The following C12orf42 variants were observed in gnomAD, a reference collection of about 807,000 sequenced individuals.
C12orf42 encodes uncharacterized protein C12orf42.
Under a neutral mutation model 21.6 loss-of-function variants are expected in C12orf42, and 25 were observed. That is an observed-to-expected ratio of 1.16 (90% confidence interval 0.84 to 1.62). C12orf42 has a LOEUF of 1.62. Among genes scored for constraint, C12orf42 ranks in the 40% most tolerant of loss-of-function variants. The pLI is 0.00. For missense variants in C12orf42, 483 were observed against 459.3 expected (o/e 1.05, Z -0.47); for synonymous variants, 174 against 175.0 (o/e 0.99, Z 0.05).
intron 2 of C12orf42, among the ~76,000 whole-genome samples, chr12:103,419,647 C>A (rs1304315891): frequency 6.6e-6 from 1 of 152,172 alleles, no homozygotes; most frequent in Non-Finnish European, 1.5e-5. Flanking sequence ...CTGCTCAGCA[C>A]ACTTGCCAGT....
the C12orf42 span, among the ~76,000 whole-genome samples, chr12:103,101,624 AC>A: frequency 2.6e-5 from 4 of 152,150 alleles, no homozygotes; most frequent in Non-Finnish European, 5.9e-5. Flanking sequence ...AACCCAAACT[AC>A]CCACTGAACA....
the C12orf42 span, among the ~76,000 whole-genome samples, chr12:103,158,340 G>A: frequency 6.6e-6 from 1 of 152,102 alleles, no homozygotes; most frequent in Non-Finnish European, 1.5e-5. Context: ...TCACAAAAAT[G>A]CCAGTTCACT....
At position 103,481,164 on chromosome 12, in the gene C12orf42, G is replaced by T. The variant is rs377350010; in HGVS notation, c.-21-2717C>A. The stretch of plus-strand genomic sequence containing the variant: ...TTTTTCCTTAGACAGTCTTTAGTAT[G>T]ATGTTAATATAGCTATAGCAGTTTT... On this transcript the variant is annotated intron_variant, in intron 1 of 5. Coordinates refer to ENST00000548883, the MANE Select transcript of C12orf42 (RefSeq NM_198521.5). Among the ~76,000 whole-genome samples the T allele has an allele frequency of 1.8e-4, 27 of 151,792 alleles. No homozygotes were observed. In the East Asian group the frequency reaches 5.0e-3, roughly 28 times the overall value.
the C12orf42 span, among the ~76,000 whole-genome samples, chr12:103,118,594 C>G: frequency 5.1e-4 from 78 of 151,890 alleles, no homozygotes; most frequent in African/African-American, 1.6e-3. Flanking sequence ...GTCAGGAGAT[C>G]GAGACCATCC....
At chr12:103,471,149 A>G (rs746485278) in intron 2 of C12orf42, among the ~76,000 whole-genome samples, 5 of 152,226 alleles carry the variant, frequency 3.3e-5, no homozygotes, top group Non-Finnish European at 7.3e-5. Context: ...GTGGGCTACC[A>G]GTGTCCCCAT....
chr12:103,300,797 C>A (rs941155885), downstream of C12orf42, among the ~76,000 whole-genome samples: 2 of 152,184 alleles, frequency 1.3e-5, no homozygotes, highest in African/African-American at 4.8e-5. Flanking sequence ...GTCACATGAA[C>A]TCTGGTAAGC....
chr12:103,345,962 T>C (rs1450842636), intron 4 of C12orf42, among the ~76,000 whole-genome samples: 1 of 152,212 alleles, frequency 6.6e-6, no homozygotes, highest in Non-Finnish European at 1.5e-5. Context: ...GTTATAATTC[T>C]TCAAAGCAAT....
At chr12:103,352,497 C>T (rs1048350992) in intron 4 of C12orf42, among the ~76,000 whole-genome samples, 2 of 152,020 alleles carry the variant, frequency 1.3e-5, no homozygotes, top group African/African-American at 4.8e-5. Flanking sequence ...ATTATTTTTT[C>T]CTATGAGGCT....
At chr12:103,180,304 G>GA in the C12orf42 span, among the ~76,000 whole-genome samples, 5 of 152,008 alleles carry the variant, frequency 3.3e-5, no homozygotes, top group Admixed American at 6.6e-5. Context: ...TGGCAAGTAG[G>GA]AAAAAAACAT....
intron 2 of C12orf42, chr12:103,441,470 C>T (rs1305149741): frequency 1.3e-5 from 2 of 152,136 alleles, no homozygotes; most frequent in Non-Finnish European, 2.9e-5. Flanking sequence ...TTTCTCACCT[C>T]TTCCTGCCCA....
chr12:103,300,103 C>A (rs1040695370), downstream of C12orf42, among the ~76,000 whole-genome samples: 2 of 152,204 alleles, frequency 1.3e-5, no homozygotes, highest in Non-Finnish European at 2.9e-5. Context: ...GTATTTAGAA[C>A]AGAGTTTTGA....
At chr12:103,312,655 T>C (rs2039079676) in intron 4 of C12orf42, among the ~76,000 whole-genome samples, 1 of 152,186 alleles carries the variant, frequency 6.6e-6, no homozygotes, top group Admixed American at 6.5e-5. Flanking sequence ...TTTGGTGTTT[T>C]GGTTGTTAAA....
intron 1 of C12orf42, 85 bp downstream of exon 1, chr12:103,495,817 T>A (rs1390655446): frequency 1.3e-5 from 2 of 152,034 alleles, no homozygotes; most frequent in Admixed American, 1.3e-4. Context: ...CGGGCGCGGC[T>A]GGAGTCCCGG....
At chr12:103,100,774 C>T in the C12orf42 span, among the ~76,000 whole-genome samples, 1 of 152,216 alleles carries the variant, frequency 6.6e-6, no homozygotes, top group Admixed American at 6.5e-5. Context: ...TGGCTCTGCC[C>T]TATTTCTTGG....
At chr12:103,367,904 G>C (rs767670923) in intron 4 of C12orf42, 53 of 382,058 alleles carry the variant, frequency 1.4e-4, no homozygotes, top group Non-Finnish European at 2.3e-4. Flanking sequence ...CCTTTCAATG[G>C]CCCTGATATG....
intron 5 of C12orf42, 45 bp downstream of exon 5, chr12:103,305,929 A>G: frequency 6.4e-7 from 1 of 1,551,110 alleles, no homozygotes; most frequent in Non-Finnish European, 8.7e-7. Flanking sequence ...ACAAAATGTG[A>G]CCAGTTGAAA....
chr12:103,201,250 G>T, the C12orf42 span, among the ~76,000 whole-genome samples: 1 of 152,066 alleles, frequency 6.6e-6, no homozygotes, highest in East Asian at 1.9e-4. Flanking sequence ...CAGATGTAAC[G>T]GTTTTGCTGG....
the C12orf42 span, among the ~76,000 whole-genome samples, chr12:103,047,670 TG>T: frequency 1.3e-5 from 2 of 152,304 alleles, no homozygotes; most frequent in African/African-American, 4.8e-5. Context: ...GCCTCGGGTT[TG>T]ATGGGGCAGT....
At chr12:103,080,231 C>T in the C12orf42 span, among the ~76,000 whole-genome samples, 1 of 152,016 alleles carries the variant, frequency 6.6e-6, no homozygotes, top group Non-Finnish European at 1.5e-5. Context: ...TACGGTATGG[C>T]GAGTCCAATG....
Sources: allele counts gnomAD v4.1 joint callset (sites outside exome capture counted in the v4.1 genomes callset), GRCh38; gene constraint gnomAD v4.1.1; transcripts MANE v1.5; gene names NCBI Gene and HGNC (gene_info 2026-07-23, HGNC 2026-07-21).